SERPINB12: variants seen among roughly 807,000 people sequenced by gnomAD.
SERPINB12 encodes serpin family B member 12.
SERPINB12 carries 57 observed loss-of-function variants against 41.1 expected under a neutral mutation model. That is an observed-to-expected ratio of 1.39 (90% CI 1.12 to 1.73). The LOEUF (loss-of-function observed/expected upper bound fraction) is 1.73, where lower values mean the gene tolerates loss of function less well. Among genes scored for constraint, SERPINB12 ranks in the 40% most tolerant of loss-of-function variants. SERPINB12 has a pLI of 0.00. For synonymous variants in SERPINB12, 180 were observed against 181.3 expected, an observed-to-expected ratio of 0.99 and a Z score of 0.06; for missense variants, 536 against 501.9, an observed-to-expected ratio of 1.07 and a Z score of -0.65.
intron 1 of SERPINB12, among the ~76,000 whole-genome samples, 123 bp downstream of exon 1, chr18:63,542,615 C>T (rs533430194): frequency 6.6e-6 from 1 of 152,206 alleles, no homozygotes; most frequent in South Asian, 2.1e-4. Flanking sequence ...CAGGGAGGTG[C>T]TAACGTTATT....
chr18:63,553,266 G>T (rs898338437), intron 1 of SERPINB12, among the ~76,000 whole-genome samples: 2 of 152,316 alleles, frequency 1.3e-5, no homozygotes, highest in Non-Finnish European at 2.9e-5. Flanking sequence ...AAAACTGTGT[G>T]ATCTAGGAGG....
chr18:63,566,598 C>A lies in SERPINB12; in HGVS notation c.874-9C>A. The A allele has an allele frequency of 6.3e-7, 1 of 1,593,690 alleles. No homozygotes were observed. The highest frequency in any genetic ancestry group is 8.5e-7 in the Non-Finnish European group (1 of 1,172,526). ...TCTGATGCTAAATATTATTTCCTTC[C>A]TCTTGTAGCTTGAAAGGAAAATCAC... On this transcript the variant is annotated splice_polypyrimidine_tract_variant and intron_variant, in intron 7 of 7. Coordinates refer to ENST00000382768, the MANE Select transcript of SERPINB12 (RefSeq NM_001307928.2).
chr18:63,532,516 T>C, the SERPINB12 span, among the ~76,000 whole-genome samples: 7 of 152,116 alleles, frequency 4.6e-5, no homozygotes, highest in Non-Finnish European at 8.8e-5. Flanking sequence ...GGGTATTATG[T>C]GATGTAGCCC....
chr18:63,541,918 T>A (rs1311163541), upstream of SERPINB12, among the ~76,000 whole-genome samples: 1 of 152,194 alleles, frequency 6.6e-6, no homozygotes, highest in Non-Finnish European at 1.5e-5. Context: ...TAATAACAGT[T>A]GATAATACCT....
chr18:63,519,589 G>A, the SERPINB12 span, among the ~76,000 whole-genome samples: 1 of 152,072 alleles, frequency 6.6e-6, no homozygotes, highest in South Asian at 2.1e-4. Flanking sequence ...CTAGATTCCA[G>A]TACCATTTGG....
rs1170310777 is a variant in SERPINB12 at position 63,563,912 on chromosome 18, AAAT to A, written c.563-65_563-63del. 1,514 of 178,396 alleles carry A rather than the reference AAAT, an allele frequency of 8.5e-3. 8 individuals carry two copies. Among genetic ancestry groups the A allele is most frequent in the South Asian group, 0.032 (455 of 14,118 alleles). 11.1% of individuals were successfully genotyped at this position (178,396 alleles called of 1,614,324 possible). ...ACTCTGTCTCAAAAAAAAAAAAAAAAAATTATCTACACAAATGCTTTTGATACA... is the reference window on the plus strand; with the variant it reads ...ACTCTGTCTCAAAAAAAAAAAAAAAATATCTACACAAATGCTTTTGATACA... On this transcript the variant is annotated intron_variant, in intron 5 of 7. Coordinates refer to ENST00000382768, the MANE Select transcript of SERPINB12 (RefSeq NM_001307928.2).
chr18:63,561,226 A>G (rs1312176456), intron 5 of SERPINB12, 24 bp downstream of exon 5: 2 of 1,408,636 alleles, frequency 1.4e-6, no homozygotes, highest in Non-Finnish European at 2.0e-6. Flanking sequence ...AAAGCACGGG[A>G]GCTGGTATTG....
chr18:63,534,501 G>A, the SERPINB12 span, among the ~76,000 whole-genome samples: 1 of 152,160 alleles, frequency 6.6e-6, no homozygotes. Context: ...GAACCGGCAT[G>A]ATATTGGCCA....
chr18:63,544,460 G>A (rs1348827849), intron 1 of SERPINB12, among the ~76,000 whole-genome samples: 1 of 152,110 alleles, frequency 6.6e-6, no homozygotes, highest in South Asian at 2.1e-4. Context: ...TTTTAAGGGC[G>A]AGAAAATTGA....
In SERPINB12 at chr18:63,553,040, A is replaced by T. The variant is rs116503113; in HGVS notation, c.-18-3102A>T. On this transcript the variant is annotated intron_variant, in intron 1 of 7. Coordinates refer to ENST00000382768, the MANE Select transcript of SERPINB12 (RefSeq NM_001307928.2). ...CAACTCCCTTGGGAGGTGAGGCAGC[A>T]TTAAAGCTGCACACAACTGTAATGA... Among the ~76,000 whole-genome samples, 963 of 152,258 alleles carry T rather than the reference A, an allele frequency of 6.3e-3. 10 individuals carry two copies. Among genetic ancestry groups the T allele is most frequent in the African/African-American group, 0.022 (923 of 41,536 alleles).
chr18:63,541,889 G>A (rs1910279628), upstream of SERPINB12, among the ~76,000 whole-genome samples: 1 of 152,200 alleles, frequency 6.6e-6, no homozygotes, highest in African/African-American at 2.4e-5. Flanking sequence ...CTGTGGAGTT[G>A]CAGTCATGAT....
At chr18:63,565,909 C>T (rs1911084824) in intron 7 of SERPINB12, among the ~76,000 whole-genome samples, 1 of 152,100 alleles carries the variant, frequency 6.6e-6, no homozygotes, top group Non-Finnish European at 1.5e-5. Flanking sequence ...TAAGTTTTCC[C>T]TTTTCTCTGA....
chr18:63,534,952 T>C, the SERPINB12 span, among the ~76,000 whole-genome samples: 2 of 152,164 alleles, frequency 1.3e-5, no homozygotes, highest in South Asian at 2.1e-4. Context: ...AGATTTACCA[T>C]GAGCAGAGTA....
At chr18:63,526,860 A>G in the SERPINB12 span, among the ~76,000 whole-genome samples, 1 of 152,172 alleles carries the variant, frequency 6.6e-6, no homozygotes, top group Non-Finnish European at 1.5e-5. Context: ...GTGTATTTAC[A>G]TGAACCTAGA....
At chr18:63,546,241 A>G (rs980573552) in intron 1 of SERPINB12, among the ~76,000 whole-genome samples, 1 of 152,200 alleles carries the variant, frequency 6.6e-6, no homozygotes, top group African/African-American at 2.4e-5. Context: ...TCCTTAAGAC[A>G]TGTCAGTTCC....
intron 5 of SERPINB12, 86 bp from the exon 6 acceptor site, chr18:63,563,892 G>C: frequency 8.2e-7 from 1 of 1,226,706 alleles, no homozygotes; most frequent in Admixed American, 2.6e-5. Flanking sequence ...GCGAAACTCT[G>C]TCTCAAAAAA....
chr18:63,564,569 C>G (rs1255730181), intron 6 of SERPINB12, among the ~76,000 whole-genome samples: 1 of 152,222 alleles, frequency 6.6e-6, no homozygotes, highest in African/African-American at 2.4e-5. Context: ...TTCTCTCAAG[C>G]ACCAAATATC....
chr18:63,556,620 C>T (rs1177097630), intron 2 of SERPINB12, among the ~76,000 whole-genome samples: 2 of 152,146 alleles, frequency 1.3e-5, no homozygotes. Flanking sequence ...GTCTGTCACT[C>T]TTTTACTCTA....
the SERPINB12 span, among the ~76,000 whole-genome samples, chr18:63,530,783 A>T: frequency 7.2e-5 from 11 of 152,176 alleles, no homozygotes; most frequent in Non-Finnish European, 1.3e-4. Context: ...TGTCACAGAA[A>T]GGTAGTAATT....
Sources: gnomAD v4.1 joint callset for allele counts (sites outside exome capture counted in the v4.1 genomes callset) on GRCh38, gnomAD v4.1.1 for gene constraint, MANE v1.5 for transcripts, NCBI Gene and HGNC (gene_info 2026-07-23, HGNC 2026-07-21) for gene names.